Variants in GALK2 observed in about 807,000 individuals in gnomAD.
GALK2 encodes the protein galactokinase 2, also known as N-acetylgalactosamine kinase.
GALK2 carries 36 observed loss-of-function variants against 52.4 expected under a neutral mutation model. The ratio of observed to expected loss-of-function variants is 0.69; its 90% CI spans 0.53 to 0.91. The LOEUF is 0.91. Among genes scored for constraint, GALK2 ranks in the 40% least tolerant of loss-of-function variants. GALK2 has a pLI of 0.00. For synonymous variants in GALK2, 176 were observed against 199.1 expected (o/e 0.88, Z 0.98); for missense variants, 579 against 559.1 (o/e 1.04, Z -0.36).
intron 5 of GALK2, among the ~76,000 whole-genome samples, chr15:49,245,759 G>T (rs1003047833): frequency 8.5e-5 from 13 of 152,132 alleles, no homozygotes; most frequent in African/African-American, 2.9e-4. Context: ...AAAGTATAAT[G>T]CATTATTCCT....
intron 3 of GALK2, among the ~76,000 whole-genome samples, chr15:49,348,698 C>A (rs1414066820): frequency 6.6e-6 from 1 of 152,178 alleles, no homozygotes; most frequent in Non-Finnish European, 1.5e-5. Context: ...AAATTATTAT[C>A]TGATCAATAT....
chr15:49,166,388 A>G (rs919236460), upstream of GALK2, among the ~76,000 whole-genome samples: 1 of 152,176 alleles, frequency 6.6e-6, no homozygotes, highest in African/African-American at 2.4e-5. Context: ...CCATTTAATG[A>G]TTATATACAC....
In GALK2 at chr15:49,217,257, T is replaced by C. The variant is rs781096044; in HGVS notation, c.210T>C (p.Ala70=). Residue 70 remains alanine, a synonymous_variant, in exon 3 of 10, where the codon GCT becomes GCC. Coordinates refer to ENST00000560031, the MANE Select transcript of GALK2 (RefSeq NM_002044.4). ...PMAVEQDVLI[A]VEPVKTYALQ... Reference sequence around the variant, plus strand: ...CTGTAGAACAAGATGTGCTAATAGCTGTAGAACCTGTGAAAACGTACGCTC... The same window carrying C: ...CTGTAGAACAAGATGTGCTAATAGCCGTAGAACCTGTGAAAACGTACGCTC... 6.2e-7 allele frequency: 1 copy of C among 1,613,458 alleles called. No individual in the cohort carries two copies. Among genetic ancestry groups the C allele is most frequent in the Admixed American group, 1.7e-5 (1 of 60,022 alleles).
At chr15:49,352,920 G>GT (rs1567129722) in intron 3 of GALK2, among the ~76,000 whole-genome samples, 1 of 152,168 alleles carries the variant, frequency 6.6e-6, no homozygotes, top group African/African-American at 2.4e-5. Context: ...TTACACTGGT[G>GT]TTCTGTCTTA....
chr15:49,345,957 T>C (rs1162053403), intron 3 of GALK2, among the ~76,000 whole-genome samples: 1 of 152,132 alleles, frequency 6.6e-6, no homozygotes, highest in African/African-American at 2.4e-5. Flanking sequence ...AATTTCGTAC[T>C]TATCTGCCAA....
Position 49,292,272 on chromosome 15 carries a change from A to T in GALK2, c.757-55A>T, listed in dbSNP as rs2034012935. The T allele has an allele frequency of 2.0e-6, 3 of 1,481,664 alleles. No homozygotes were observed. In the South Asian group the frequency reaches 3.5e-5, roughly 17 times the overall value. 91.8% of individuals were successfully genotyped at this position (1,481,664 alleles called of 1,614,324 possible). On this transcript the variant is annotated intron_variant, in intron 7 of 9. Transcript: ENST00000560031. Reference sequence around the variant, plus strand: ...AACGTTGAATCTGGCTAATTAAAATAGTACACATCAAATTCTGAATCAAAA... The same window carrying T: ...AACGTTGAATCTGGCTAATTAAAATTGTACACATCAAATTCTGAATCAAAA...
At chr15:49,359,110 C>T (rs1376063039) in intron 3 of GALK2, among the ~76,000 whole-genome samples, 47 of 151,816 alleles carry the variant, frequency 3.1e-4, no homozygotes, top group South Asian at 4.2e-4. Flanking sequence ...AAGACTTAAA[C>T]GTTAGACCTA....
At chr15:49,189,434 T>C (rs984459194) in intron 1 of GALK2, among the ~76,000 whole-genome samples, 1 of 152,194 alleles carries the variant, frequency 6.6e-6, no homozygotes, top group South Asian at 2.1e-4. Flanking sequence ...GACCCCTCAG[T>C]AGATGCCTGA....
At chr15:49,327,517 AT>A (rs1257451039) in intron 9 of GALK2, 1 of 154,548 alleles carries the variant, frequency 6.5e-6, no homozygotes, top group East Asian at 1.9e-4. Context: ...AAGACTGTAC[AT>A]TTTAAATTTT....
At chr15:49,183,950 A>T (rs1006166363) in intron 1 of GALK2, among the ~76,000 whole-genome samples, 24 of 151,960 alleles carry the variant, frequency 1.6e-4, no homozygotes, top group Admixed American at 1.6e-3. Context: ...CCACCGTTGG[A>T]TGAAATGTTC....
chr15:49,331,723 T>A lies in GALK2; in HGVS notation c.*3564T>A. 1 of 1,055,838 alleles carries A rather than the reference T, an allele frequency of 9.5e-7. No individual in the cohort carries two copies. 65.4% of individuals were successfully genotyped at this position (1,055,838 alleles called of 1,614,324 possible). ...ACATTGCTTATGAAATATTGTCCAG[T>A]CTATATAAAAGAAGCTAGAGAGAGA... On this transcript the variant is annotated 3_prime_UTR_variant, in exon 10 of 10. Transcript: ENST00000560031.
At chr15:49,323,503 A>C (rs779823231) in intron 9 of GALK2, among the ~76,000 whole-genome samples, 7 of 152,186 alleles carry the variant, frequency 4.6e-5, no homozygotes, top group Non-Finnish European at 7.4e-5. Context: ...TGGCACTTCA[A>C]AATTCCTTTA....
intron 1 of GALK2, among the ~76,000 whole-genome samples, chr15:49,172,503 C>T (rs2085169326): frequency 6.6e-6 from 1 of 152,100 alleles, no homozygotes; most frequent in Non-Finnish European, 1.5e-5. Context: ...TCTATAAATT[C>T]ACCTAACCGG....
rs758303417 is a variant in GALK2 at position 49,328,595 on chromosome 15, G to C, written c.*436G>C. Reference sequence around the variant, plus strand: ...AGTATTCTTCTTCCTCAAAGTTGTAGTTGTCTGTTGATGATGGTGATGATG... The same window carrying C: ...AGTATTCTTCTTCCTCAAAGTTGTACTTGTCTGTTGATGATGGTGATGATG... On this transcript the variant is annotated 3_prime_UTR_variant, in exon 10 of 10. Transcript: ENST00000560031. 1.9e-6 allele frequency: 3 copies of C among 1,596,340 alleles called. No homozygotes were observed. Among genetic ancestry groups the C allele is most frequent in the Non-Finnish European group, 1.7e-6 (2 of 1,168,450 alleles).
chr15:49,362,652 T>A (rs1004553971), intron 3 of GALK2, among the ~76,000 whole-genome samples: 15 of 152,232 alleles, frequency 9.9e-5, no homozygotes, highest in African/African-American at 3.6e-4. Flanking sequence ...AATTTTTGTT[T>A]TTCTTGCAAT....
At chr15:49,282,557 T>C (rs1789123792) in intron 6 of GALK2, among the ~76,000 whole-genome samples, 1 of 152,158 alleles carries the variant, frequency 6.6e-6, no homozygotes, top group African/African-American at 2.4e-5. Flanking sequence ...GTCAACATTT[T>C]TGGGGCTTCA....
At chr15:49,307,855 T>C (rs2035672248) in intron 8 of GALK2, among the ~76,000 whole-genome samples, 1 of 152,236 alleles carries the variant, frequency 6.6e-6, no homozygotes, top group Non-Finnish European at 1.5e-5. Flanking sequence ...GTGTGTTTTA[T>C]GTTGAAAGTG....
chr15:49,365,203 G>T, intron 3 of GALK2: 1 of 848,482 alleles, frequency 1.2e-6, no homozygotes, highest in Non-Finnish European at 2.0e-6. Context: ...TCATCTGATA[G>T]CTGTTACCTT....
At chr15:49,233,673 G>T (rs1237991248) in intron 3 of GALK2, among the ~76,000 whole-genome samples, 1 of 152,148 alleles carries the variant, frequency 6.6e-6, no homozygotes, top group African/African-American at 2.4e-5. Context: ...CTTGTTGATG[G>T]TGAGCAACAT....
Sources: allele counts gnomAD v4.1 joint callset (sites outside exome capture counted in the v4.1 genomes callset), GRCh38; gene constraint gnomAD v4.1.1; transcripts MANE v1.5; gene names NCBI Gene and HGNC (gene_info 2026-07-23, HGNC 2026-07-21).